Variants in VAPB observed in about 807,000 individuals in gnomAD.
VAPB encodes vesicle-associated membrane protein-associated protein B/C.
Under a neutral mutation model 25.6 loss-of-function variants are expected in VAPB, and 7 were observed. The ratio of observed to expected loss-of-function variants is 0.27; its 90% CI spans 0.16 to 0.51. The LOEUF is 0.51. Ranked by LOEUF, VAPB falls within the 20% of genes least tolerant of loss-of-function variation. The pLI is 0.97. For synonymous variants in VAPB, 112 were observed against 109.2 expected, an observed-to-expected ratio of 1.03 and a Z score of -0.16; for missense variants, 266 against 301.3, an observed-to-expected ratio of 0.88 and a Z score of 0.87.
chr20:58,414,513 C>CT (rs1275340534), intron 1 of VAPB, among the ~76,000 whole-genome samples: 1 of 151,212 alleles, frequency 6.6e-6, no homozygotes, highest in African/African-American at 2.4e-5. Context: ...TCAGACGGGG[C>CT]GGTGGGGCAG....
At chr20:58,424,882 A>G (rs1011680438) in intron 2 of VAPB, among the ~76,000 whole-genome samples, 1 of 152,264 alleles carries the variant, frequency 6.6e-6, no homozygotes, top group Admixed American at 6.5e-5. Context: ...TAACTGATTT[A>G]TAAATAAATG....
At chr20:58,414,325 A>G (rs917122536) in intron 1 of VAPB, among the ~76,000 whole-genome samples, 11 of 103,222 alleles carry the variant, frequency 1.1e-4, no homozygotes, top group Admixed American at 2.0e-4. Flanking sequence ...CGGGGGGCTG[A>G]CCCCCCCCAC....
In VAPB at chr20:58,406,403, T is replaced by A. The variant is rs567853016; in HGVS notation, c.59-11808T>A. 6.6e-5 allele frequency among the ~76,000 whole-genome samples: 10 copies of A among 152,302 alleles called. No homozygotes were observed. In the East Asian group the frequency reaches 1.9e-3, roughly 29 times the overall value. On this transcript the variant is annotated intron_variant, in intron 1 of 5. Coordinates refer to ENST00000475243, the MANE Select transcript of VAPB (RefSeq NM_004738.5). The stretch of plus-strand genomic sequence containing the variant: ...TCTCACAGCCTTTCCCCTGGCCTCT[T>A]CTTGAGTTTAAGAAGCTGCTGACCT...
At chr20:58,427,027 G>C (rs1048712555) in intron 2 of VAPB, among the ~76,000 whole-genome samples, 1 of 151,618 alleles carries the variant, frequency 6.6e-6, no homozygotes, top group Non-Finnish European at 1.5e-5. Context: ...TGATGCAGGC[G>C]AAAGTGACCT....
intron 5 of VAPB, among the ~76,000 whole-genome samples, chr20:58,442,383 T>C (rs1989181524): frequency 6.6e-6 from 1 of 152,236 alleles, no homozygotes; most frequent in African/African-American, 2.4e-5. Flanking sequence ...AACAGAGTTC[T>C]GTGCTATTTA....
rs1790584651 is a variant in VAPB at position 58,446,313 on chromosome 20, G to A, written c.*2078G>A. 2.2e-6 allele frequency: 1 copy of A among 454,010 alleles called. No homozygotes were observed. The highest frequency in any genetic ancestry group is 2.0e-5 in the African/African-American group (1 of 50,008). The allele number at this position is 454,010 out of a possible 1,614,324, so 28.1% of individuals were successfully genotyped here. A position where few individuals can be genotyped will look rare whatever the true frequency, so the allele number is the denominator to read the frequency against. ...AGGGGACTAAAATTTACTAATTGTA[G>A]TTGCTGCAGCCAGTTAAGTCCTGTA... On this transcript the variant is annotated 3_prime_UTR_variant, in exon 6 of 6. Transcript: ENST00000475243.
intron 3 of VAPB, among the ~76,000 whole-genome samples, chr20:58,437,457 A>G (rs1217819045): frequency 6.6e-6 from 1 of 152,172 alleles, no homozygotes; most frequent in Admixed American, 6.5e-5. Flanking sequence ...TCACTTGGTT[A>G]AGATGGTGAC....
At chr20:58,433,920 T>C (rs909201482) in intron 2 of VAPB, among the ~76,000 whole-genome samples, 4 of 152,058 alleles carry the variant, frequency 2.6e-5, no homozygotes, top group Non-Finnish European at 4.4e-5. Context: ...AGCTGTACTC[T>C]AGGAAGTAGG....
intron 1 of VAPB, among the ~76,000 whole-genome samples, chr20:58,396,752 T>C (rs1435373919): frequency 2.0e-5 from 3 of 152,240 alleles, no homozygotes; most frequent in East Asian, 3.8e-4. Context: ...CAAACATTTC[T>C]AGAGGATAAA....
intron 1 of VAPB, among the ~76,000 whole-genome samples, chr20:58,397,135 G>A (rs762278624): frequency 6.6e-6 from 1 of 152,216 alleles, no homozygotes; most frequent in Non-Finnish European, 1.5e-5. Flanking sequence ...TTTTGAAAAA[G>A]TTCAGACAGA....
chr20:58,389,686 T>A (rs1045851661), intron 1 of VAPB, among the ~76,000 whole-genome samples, 169 bp downstream of exon 1: 2 of 151,986 alleles, frequency 1.3e-5, no homozygotes, highest in African/African-American at 4.8e-5. Context: ...TCCCCAGAAC[T>A]GCCCGGAGTG....
At position 58,450,694 on chromosome 20, in the gene VAPB, T is replaced by A; in HGVS notation, c.*6459T>A. ...GAAAAAAGATTCCCACAGTTTCTGA[T>A]GTGTGTGTTTATAGTCTTCAATGTA... On this transcript the variant is annotated 3_prime_UTR_variant, in exon 6 of 6. Transcript: ENST00000475243. 2.2e-6 allele frequency: 1 copy of A among 453,366 alleles called. No individual in the cohort carries two copies. Among genetic ancestry groups the A allele is most frequent in the Non-Finnish European group, 4.4e-6 (1 of 226,766 alleles). The allele number at this position is 453,366 out of a possible 1,614,324, so 28.1% of individuals were successfully genotyped here.
intron 4 of VAPB, 133 bp from the exon 5 acceptor site, chr20:58,440,774 A>G: frequency 1.2e-6 from 1 of 806,406 alleles, no homozygotes; most frequent in Non-Finnish European, 2.0e-6. Context: ...CATTTTTAAA[A>G]TAAATGTGAC....
In VAPB at chr20:58,418,191, G is replaced by A. The variant is rs552060239; in HGVS notation, c.59-20G>A. 93 of 1,613,980 alleles carry A rather than the reference G, an allele frequency of 5.8e-5. No homozygotes were observed. The South Asian group carries it at 9.9e-4, about 17-fold the overall frequency. The stretch of plus-strand genomic sequence containing the variant: ...ACTTTCCTCATGAGACCCCCAATCA[G>A]TCTCTGTCTCATTCTACAGGTCCCT... On this transcript the variant is annotated intron_variant, in intron 1 of 5. Coordinates refer to ENST00000475243, the MANE Select transcript of VAPB (RefSeq NM_004738.5).
chr20:58,421,463 A>G (rs923780536), intron 2 of VAPB, among the ~76,000 whole-genome samples: 3 of 152,098 alleles, frequency 2.0e-5, no homozygotes, highest in African/African-American at 7.2e-5. Flanking sequence ...TGTAATATTC[A>G]TTTGTTTTAT....
intron 2 of VAPB, among the ~76,000 whole-genome samples, chr20:58,431,720 G>A (rs1988933271): frequency 6.6e-6 from 1 of 151,968 alleles, no homozygotes; most frequent in African/African-American, 2.4e-5. Flanking sequence ...GGGACTATAG[G>A]CTACCATGCC....
intron 2 of VAPB, among the ~76,000 whole-genome samples, chr20:58,433,556 C>T (rs1158716650): frequency 6.6e-6 from 1 of 152,234 alleles, no homozygotes; most frequent in Non-Finnish European, 1.5e-5. Context: ...TAGGTCCCCA[C>T]ACCAACTGCC....
At chr20:58,436,327 C>CTTTTTTTTTTTTTTTTTTTTTTT (rs57100987) in intron 3 of VAPB, among the ~76,000 whole-genome samples, 1 of 114,966 alleles carries the variant, frequency 8.7e-6, no homozygotes, top group Admixed American at 1.1e-4. Context: ...GTTTTTCTTC[C>CTTTTTTTTTTTTTTTTTTTTTTT]TTTTTTTTTT....
chr20:58,430,134 ATTAT>A (rs1988895621), intron 2 of VAPB, among the ~76,000 whole-genome samples: 1 of 148,254 alleles, frequency 6.7e-6, no homozygotes, highest in Non-Finnish European at 1.5e-5. Flanking sequence ...AATTCATATA[ATTAT>A]TTAAGAATAA....
Sources: gnomAD v4.1 joint callset for allele counts (sites outside exome capture counted in the v4.1 genomes callset) on GRCh38, gnomAD v4.1.1 for gene constraint, MANE v1.5 for transcripts, NCBI Gene and HGNC (gene_info 2026-07-23, HGNC 2026-07-21) for gene names.